Variants in ICA1 observed in about 807,000 individuals in gnomAD.
ICA1 encodes the protein 69 kDa islet cell autoantigen.
A neutral mutation model predicts 71.0 loss-of-function variants in ICA1; 40 were observed. That is an observed-to-expected ratio of 0.56 (90% CI 0.44 to 0.73). The LOEUF (loss-of-function observed/expected upper bound fraction) is 0.73. Among genes scored for constraint, ICA1 ranks in the 30% least tolerant of loss-of-function variants. The pLI is 0.00. For missense variants in ICA1, 578 were observed against 576.5 expected (o/e 1.00, Z -0.03); for synonymous variants, 207 against 209.5 (o/e 0.99, Z 0.10).
intron 5 of ICA1, 86 bp downstream of exon 5, chr7:8,221,189 A>C: frequency 6.4e-7 from 1 of 1,550,414 alleles, no homozygotes; most frequent in Admixed American, 1.7e-5. Context: ...CTTCTAAAGA[A>C]CACTGTGAGA....
rs942644437 is a variant in ICA1, at chr7:8,113,228, A to C, written c.*695T>G. On this transcript the variant is annotated 3_prime_UTR_variant, in exon 14 of 14. Coordinates refer to ENST00000402384, the MANE Select transcript of ICA1 (RefSeq NM_001136020.3). This position sits in a 1 kb window ranked among gnomAD's most constrained non-coding sequence, Gnocchi z 4.2. The stretch of plus-strand genomic sequence containing the variant: ...TTCTGTTTAATTAAAAAAAAAAAAA[A>C]AACAATGTCACAAGAGGCTTCAGAA... 3.3e-5 allele frequency: 5 copies of C among 151,920 alleles called. No individual in the cohort carries two copies. Among genetic ancestry groups the C allele is most frequent in the African/African-American group, 4.8e-5 (2 of 41,392 alleles). 9.4% of individuals were successfully genotyped at this position (151,920 alleles called of 1,614,324 possible).
At chr7:8,241,168 A>C (rs778332977) in intron 1 of ICA1, among the ~76,000 whole-genome samples, 4 of 152,204 alleles carry the variant, frequency 2.6e-5, no homozygotes, top group Non-Finnish European at 5.9e-5. Context: ...CCAGAGAGAA[A>C]GGTTGGGTTA....
rs183444266 is a variant in ICA1 at position 8,224,467 on chromosome 7, C to T, written c.257-3069G>A. Among the ~76,000 whole-genome samples the T allele has an allele frequency of 2.6e-5, 4 of 152,168 alleles. No homozygotes were observed. In the East Asian group the frequency reaches 7.7e-4, roughly 29 times the overall value. On this transcript the variant is annotated intron_variant, in intron 4 of 13. Coordinates refer to ENST00000402384, the MANE Select transcript of ICA1 (RefSeq NM_001136020.3). ...GTGATCCAATTTACATGTATTAAAC[C>T]TTTTAGTTTGAAATAATGATAGACT...
intron 1 of ICA1, among the ~76,000 whole-genome samples, chr7:8,239,554 G>A (rs2128482515): frequency 6.6e-6 from 1 of 152,338 alleles, no homozygotes. Context: ...GGTTGACAGT[G>A]GGTGCAACCC....
chr7:8,139,662 C>T (rs775826535), intron 10 of ICA1, among the ~76,000 whole-genome samples: 1 of 152,128 alleles, frequency 6.6e-6, no homozygotes, highest in Non-Finnish European at 1.5e-5. Flanking sequence ...CTAATGTAAA[C>T]TATGGACTTT....
intron 8 of ICA1, among the ~76,000 whole-genome samples, chr7:8,153,298 T>A (rs566686530): frequency 6.6e-6 from 1 of 152,316 alleles, no homozygotes; most frequent in African/African-American, 2.4e-5. Flanking sequence ...TTTCATTAAA[T>A]ACAGGCACTC....
rs1554310920 is a variant in ICA1, at chr7:8,174,771, A to AAAAAAACAAAAAACC, written c.580-16120_580-16119insGGTTTTTTGTTTTTT. ...ACTGTATCTCAAAAAAAAAAAAAAA[A>AAAAAAACAAAAAACC]AAAAAAAACAGAGAGAGAGACAAAT... On this transcript the variant is annotated intron_variant, in intron 6 of 13. Coordinates refer to ENST00000402384, the MANE Select transcript of ICA1 (RefSeq NM_001136020.3). Among the ~76,000 whole-genome samples the AAAAAAACAAAAAACC allele has an allele frequency of 2.4e-3, 253 of 106,058 alleles. 6 individuals carry two copies. Among genetic ancestry groups the AAAAAAACAAAAAACC allele is most frequent in the East Asian group, 8.3e-3 (27 of 3,256 alleles). The allele number at this position is 106,058 out of a possible 152,430, so 69.6% of individuals were successfully genotyped here. A position where few individuals can be genotyped will look rare whatever the true frequency, so the allele number is the denominator to read the frequency against.
chr7:8,146,895 C>CAA (rs1458471967), intron 8 of ICA1, among the ~76,000 whole-genome samples: 3 of 150,996 alleles, frequency 2.0e-5, no homozygotes, highest in Non-Finnish European at 4.4e-5. Flanking sequence ...CACACACACA[C>CAA]ACACACACAC....
In ICA1 at chr7:8,223,820, G is replaced by A. The variant is rs944997895; in HGVS notation, c.257-2422C>T. 2.0e-5 allele frequency among the ~76,000 whole-genome samples: 3 copies of A among 152,086 alleles called. No individual in the cohort carries two copies. Among genetic ancestry groups the A allele is most frequent in the Non-Finnish European group, 2.9e-5 (2 of 68,026 alleles). ...TAACTCAAAATGTTCTATTAATAAG[G>A]TTTCAATTATCTGGGACTTGAGAAT... On this transcript the variant is annotated intron_variant, in intron 4 of 13. Transcript: ENST00000402384. This position sits in a 1 kb window ranked among gnomAD's most constrained non-coding sequence, Gnocchi z 4.1.
chr7:8,220,036 A>AT (rs1426441600), intron 5 of ICA1, among the ~76,000 whole-genome samples: 2 of 152,138 alleles, frequency 1.3e-5, no homozygotes, highest in African/African-American at 4.8e-5. Flanking sequence ...TTATTAGTAA[A>AT]AATTTTAGTT....
chr7:8,236,391 C>T (rs899063401), intron 1 of ICA1, among the ~76,000 whole-genome samples: 10 of 152,086 alleles, frequency 6.6e-5, no homozygotes, highest in East Asian at 3.8e-4. Context: ...CAGCAGACCA[C>T]GGCAGGAGAT....
chr7:8,192,772 A>G (rs1023976696), intron 6 of ICA1, among the ~76,000 whole-genome samples: 1 of 152,116 alleles, frequency 6.6e-6, no homozygotes, highest in African/African-American at 2.4e-5. Flanking sequence ...TAGCTCATGG[A>G]TTCTTACTTT....
At position 8,223,991 on chromosome 7, in the gene ICA1, C is replaced by T. The variant is rs974281552; in HGVS notation, c.257-2593G>A. Among the ~76,000 whole-genome samples the T allele has an allele frequency of 1.3e-5, 2 of 152,088 alleles. No individual in the cohort carries two copies. The highest frequency in any genetic ancestry group is 2.4e-5 in the African/African-American group (1 of 41,408). On this transcript the variant is annotated intron_variant, in intron 4 of 13. Transcript: ENST00000402384. This position sits in a 1 kb window ranked among gnomAD's most constrained non-coding sequence, Gnocchi z 4.1. ...AGATTTATGGATGATCCAACACATA[C>T]GAGGCACAGTTCTTGCCACTGGAAT...
chr7:8,228,028 T>A (rs1799154941), intron 4 of ICA1, among the ~76,000 whole-genome samples: 2 of 152,040 alleles, frequency 1.3e-5, no homozygotes, highest in South Asian at 4.1e-4. Flanking sequence ...ATACATTATA[T>A]TATTAAAATG....
Position 8,143,928 on chromosome 7 carries a change from C to G in ICA1, c.849G>C (p.Lys283Asn). 6.2e-7 allele frequency: 1 copy of G among 1,612,738 alleles called. No homozygotes were observed. Among genetic ancestry groups the G allele is most frequent in the South Asian group, 1.1e-5 (1 of 91,048 alleles). ...TACTTTCCTGCTGGTTGATTTTCTT[C>G]TTCTCTTCTTTCTCAACTAATTTTT... is the stretch of plus-strand genomic sequence containing the variant. ...PMKKLVEKEE[K>N]KKINQQESTD... Residue 283 changes from lysine (K) to asparagine (N), a missense_variant, in exon 9 of 14, where the codon AAG becomes AAC. Physicochemically the swap from Lys to Asn is moderately conservative, Grantham distance 94. Transcript: ENST00000402384.
chr7:8,197,795 AC>A (rs1788216996), intron 6 of ICA1, among the ~76,000 whole-genome samples: 1 of 151,956 alleles, frequency 6.6e-6, no homozygotes, highest in African/African-American at 2.4e-5. Context: ...AAATGAACAG[AC>A]CCAAGAAAGC....
At chr7:8,124,111 A>ATTTTT (rs536582712) in intron 13 of ICA1, among the ~76,000 whole-genome samples, 14 of 107,416 alleles carry the variant, frequency 1.3e-4, no homozygotes, top group South Asian at 2.9e-4. Context: ...GAATCATACA[A>ATTTTT]TTTTTTTTTT....
intron 9 of ICA1, among the ~76,000 whole-genome samples, chr7:8,142,222 G>A (rs567891372): frequency 6.6e-6 from 1 of 152,316 alleles, no homozygotes; most frequent in South Asian, 2.1e-4. Flanking sequence ...CGGCTACAGA[G>A]GCTGCAGGCA....
intron 6 of ICA1, among the ~76,000 whole-genome samples, chr7:8,211,093 C>T (rs2128379675): frequency 6.6e-6 from 1 of 152,284 alleles, no homozygotes; most frequent in Admixed American, 6.5e-5. Context: ...GTCAGACAAT[C>T]CAGAACGATA....
Sources: allele counts gnomAD v4.1 joint callset (sites outside exome capture counted in the v4.1 genomes callset), GRCh38; gene constraint gnomAD v4.1.1; non-coding constraint Gnocchi (gnomAD v3.1); transcripts MANE v1.5; gene names NCBI Gene and HGNC (gene_info 2026-07-23, HGNC 2026-07-21).